Variants in MORC2 observed in about 807,000 individuals in gnomAD.
MORC2 encodes the protein ATPase MORC2.
Under a neutral mutation model 136.0 loss-of-function variants are expected in MORC2, and 30 were observed. That is an observed-to-expected ratio of 0.22 (90% CI 0.17 to 0.30). The LOEUF (loss-of-function observed/expected upper bound fraction) is 0.30. Ranked by LOEUF, MORC2 falls within the 10% of genes least tolerant of loss-of-function variation. The probability of loss-of-function intolerance (pLI) is 1.00; values close to 1 mark genes in which losing one functional copy is unlikely to be tolerated. For missense variants in MORC2, 922 were observed against 1,333.1 expected, an observed-to-expected ratio of 0.69 and a Z score of 4.80; for synonymous variants, 439 against 487.0, an observed-to-expected ratio of 0.90 and a Z score of 1.30.
At chr22:30,959,549 G>A (rs751106683) in intron 1 of MORC2, among the ~76,000 whole-genome samples, 3 of 152,152 alleles carry the variant, frequency 2.0e-5, no homozygotes, top group African/African-American at 2.4e-5. Flanking sequence ...TATACATTGA[G>A]CATGTGCAAT....
rs748062673 is a variant in MORC2 at position 30,932,891 on chromosome 22, G to A, written c.2520C>T (p.Arg840=). The change falls in exon 22 of 26, where the codon CGC becomes CGT. Residue 840 remains arginine, a splice_region_variant and synonymous_variant. Transcript: ENST00000397641. The surrounding 1 kb of genome is among the most constrained non-coding windows in gnomAD (Gnocchi z 4.4). ...CTCCTCCCTGATTGGGGCATTACCAGCGGTCTCTTGGTGTCGTGTCTGTGG... is the reference window on the plus strand; with the variant it reads ...CTCCTCCCTGATTGGGGCATTACCAACGGTCTCTTGGTGTCGTGTCTGTGG... ...YVPTDTTPRD[R]WVEKGSEDVR... 6.2e-7 allele frequency: 1 copy of A among 1,614,174 alleles called. No individual in the cohort carries two copies. Among genetic ancestry groups the A allele is most frequent in the East Asian group, 2.2e-5 (1 of 44,882 alleles).
chr22:30,960,808 C>T (rs901788587), intron 1 of MORC2, among the ~76,000 whole-genome samples: 4 of 97,794 alleles, frequency 4.1e-5, no homozygotes, highest in Non-Finnish European at 8.9e-5. Context: ...ACAGATTTCT[C>T]AAAAAAAAAA....
At chr22:30,943,036 A>G (rs1229977950) in intron 6 of MORC2, among the ~76,000 whole-genome samples, 5 of 152,050 alleles carry the variant, frequency 3.3e-5, no homozygotes, top group Admixed American at 1.3e-4. Flanking sequence ...AATAACCCAA[A>G]TATCCATTCT....
intron 1 of MORC2, among the ~76,000 whole-genome samples, chr22:30,961,149 C>T (rs1307491858): frequency 3.3e-5 from 5 of 152,082 alleles, no homozygotes; most frequent in South Asian, 2.1e-4. Flanking sequence ...GAATTACAGG[C>T]GTGAGCCACC....
chr22:30,943,211 G>A (rs2147269059), intron 6 of MORC2, among the ~76,000 whole-genome samples: 2 of 152,070 alleles, frequency 1.3e-5, no homozygotes, highest in East Asian at 3.9e-4. Context: ...TCACAAATAG[G>A]CAAAACTAAA....
In MORC2 at chr22:30,934,882, A is replaced by C; in HGVS notation, c.2092T>G (p.Ser698Ala). 1 of 1,614,126 alleles carries C rather than the reference A, an allele frequency of 6.2e-7. No individual in the cohort carries two copies. The highest frequency in any genetic ancestry group is 8.5e-7 in the Non-Finnish European group (1 of 1,180,020). The stretch of plus-strand genomic sequence containing the variant: ...GGGCTCTTGGAGTTGGGCAGTAAAG[A>C]TGGTGACAGTTGCTGCACCAGAGGG... ...PAPLVQQLSP[S>A]LLPNSKSPRE... The change falls in exon 19 of 26, where the codon TCT becomes GCT. Residue 698 changes from serine to alanine, a missense_variant. Ser to Ala is a moderately conservative substitution (Grantham distance 99). This residue lies in a region of MORC2 where 184 missense variants were observed against 180.3 expected (regional missense o/e 1.02). Transcript: ENST00000397641. The surrounding 1 kb of genome is among the most constrained non-coding windows in gnomAD (Gnocchi z 4.4).
chr22:30,927,102 C>T (rs1031217391), intron 25 of MORC2, among the ~76,000 whole-genome samples: 1 of 152,062 alleles, frequency 6.6e-6, no homozygotes, highest in Non-Finnish European at 1.5e-5. Flanking sequence ...CCCCATGTTC[C>T]CAATTGTCTT....
In MORC2 at chr22:30,968,050, G is replaced by A; in HGVS notation, c.-161C>T. 2 of 560,558 alleles carry A rather than the reference G, an allele frequency of 3.6e-6. No homozygotes were observed. The highest frequency in any genetic ancestry group is 2.5e-5 in the South Asian group (1 of 40,312). 34.7% of individuals were successfully genotyped at this position (560,558 alleles called of 1,614,324 possible). A position where few individuals can be genotyped will look rare whatever the true frequency, so the allele number is the denominator to read the frequency against. On this transcript the variant is annotated 5_prime_UTR_variant, in exon 1 of 26. Transcript: ENST00000397641. ...AGCTATCCAAAATATATGCAGAGAT[G>A]TTTAAAACTACAATTTCTTCAAGTG...
rs1326347387 is a variant in MORC2 at position 30,958,772 on chromosome 22, T to TA, written c.69-79dup. On this transcript the variant is annotated intron_variant, in intron 1 of 25. Transcript: ENST00000397641. ...CTAATAAAAAGCCATGGTTATAAAA[T>TA]ATTTAAGTTTTTTGAAAAAAATCTT... 27 of 1,338,308 alleles carry TA rather than the reference T, an allele frequency of 2.0e-5. No individual in the cohort carries two copies. The Admixed American group carries it at 5.4e-4, about 27-fold the overall frequency. The allele number at this position is 1,338,308 out of a possible 1,614,324, so 82.9% of individuals were successfully genotyped here. A position where few individuals can be genotyped will look rare whatever the true frequency, so the allele number is the denominator to read the frequency against.
intron 13 of MORC2, 35 bp from the exon 14 acceptor site, chr22:30,938,004 A>C (rs751811493): frequency 6.8e-6 from 11 of 1,613,672 alleles, no homozygotes; most frequent in Non-Finnish European, 9.3e-6. Flanking sequence ...CTGTCACCCC[A>C]CTGGCAACGC....
intron 1 of MORC2, among the ~76,000 whole-genome samples, chr22:30,966,532 T>C (rs1053322315): frequency 6.6e-6 from 1 of 152,164 alleles, no homozygotes; most frequent in African/African-American, 2.4e-5. Context: ...CCCAGCACTT[T>C]GGGAGGCCAA....
Position 30,949,863 on chromosome 22 carries a change from G to T in MORC2, c.227-21C>A, listed in dbSNP as rs367672545. On this transcript the variant is annotated intron_variant, in intron 4 of 25. Coordinates refer to ENST00000397641, the MANE Select transcript of MORC2 (RefSeq NM_001303256.3). ...ATCACCTGAAAGGGCAGACACAAGA[G>T]AAAGTGAAAAGTTTGCATTTCTTTC... The T allele has an allele frequency of 4.1e-5, 66 of 1,611,794 alleles. 1 individual carries two copies. In the East Asian group the frequency reaches 1.4e-3, roughly 34 times the overall value.
In MORC2 at chr22:30,964,433, C is replaced by T. The variant is rs563590682; in HGVS notation, c.68+3389G>A. On this transcript the variant is annotated intron_variant, in intron 1 of 25. Coordinates refer to ENST00000397641, the MANE Select transcript of MORC2 (RefSeq NM_001303256.3). ...GATGTTAAGTGACTAAATGTGCCAA[C>T]AAAAATAAATAGCAGACATCTTATA... Among the ~76,000 whole-genome samples the T allele has an allele frequency of 1.4e-3, 211 of 152,204 alleles. 1 individual carries two copies. The highest frequency in any genetic ancestry group is 4.8e-3 in the African/African-American group (199 of 41,524).
rs929011229 is a variant in MORC2, at chr22:30,968,770, C to T, written c.-881G>A. Among the ~76,000 whole-genome samples the T allele has an allele frequency of 6.6e-6, 1 of 152,094 alleles. No individual in the cohort carries two copies. The highest frequency in any genetic ancestry group is 2.4e-5 in the African/African-American group (1 of 41,444). On this transcript the variant is annotated 5_prime_UTR_variant, in exon 1 of 26. It adds an upstream start codon to the 5' untranslated region. Transcript: ENST00000397641. Reference sequence around the variant, plus strand: ...CTGACCGGGCACTACCCGGATCTCACAACTGCCTTTGTCCCTCCCCGCGGA... The same window carrying T: ...CTGACCGGGCACTACCCGGATCTCATAACTGCCTTTGTCCCTCCCCGCGGA...
chr22:30,926,963 C>T, intron 25 of MORC2, 92 bp from the exon 26 acceptor site: 2 of 1,072,238 alleles, frequency 1.9e-6, no homozygotes, highest in East Asian at 2.4e-5. Context: ...GGGATGGAGC[C>T]CAGAGTCCTC....
intron 24 of MORC2, among the ~76,000 whole-genome samples, chr22:30,931,575 A>G (rs2040576483): frequency 6.6e-6 from 1 of 152,224 alleles, no homozygotes; most frequent in Non-Finnish European, 1.5e-5. Context: ...CTCACCACAC[A>G]GCCTGTTGCC....
In MORC2 at chr22:30,932,282, TCA is replaced by T; in HGVS notation, c.2841+75_2841+76del. ...ACTGCAACAAGCGTAACAATCATAA[TCA>T]CAACAGTTACAACAAATGCAGGGGC... On this transcript the variant is annotated intron_variant, in intron 24 of 25. Coordinates refer to ENST00000397641, the MANE Select transcript of MORC2 (RefSeq NM_001303256.3). The surrounding 1 kb of genome is among the most constrained non-coding windows in gnomAD (Gnocchi z 4.4). 8.0e-7 allele frequency: 1 copy of T among 1,250,290 alleles called. No individual in the cohort carries two copies. Among genetic ancestry groups the T allele is most frequent in the Non-Finnish European group, 1.1e-6 (1 of 876,594 alleles). 77.4% of individuals were successfully genotyped at this position (1,250,290 alleles called of 1,614,324 possible).
In MORC2 at chr22:30,928,358, C is replaced by T. The variant is rs2040522125; in HGVS notation, c.2842-151G>A. On this transcript the variant is annotated intron_variant, in intron 24 of 25. Transcript: ENST00000397641. Reference sequence around the variant, plus strand: ...ATACAAAGGGCAAACAGCCTCTTTACGTCCAGAGTAGAGAGACATCAATGC... The same window carrying T: ...ATACAAAGGGCAAACAGCCTCTTTATGTCCAGAGTAGAGAGACATCAATGC... 4 of 699,010 alleles carry T rather than the reference C, an allele frequency of 5.7e-6. No individual in the cohort carries two copies. In the South Asian group the frequency reaches 7.2e-5, roughly 13 times the overall value. 43.3% of individuals were successfully genotyped at this position (699,010 alleles called of 1,614,324 possible).
chr22:30,935,435 T>A lies in MORC2; in HGVS notation c.1738-113A>T. 1.3e-5 allele frequency: 13 copies of A among 1,033,940 alleles called. No homozygotes were observed. The South Asian group carries it at 1.9e-4, about 15-fold the overall frequency. 64.0% of individuals were successfully genotyped at this position (1,033,940 alleles called of 1,614,324 possible). A position where few individuals can be genotyped will look rare whatever the true frequency, so the allele number is the denominator to read the frequency against. Reference sequence around the variant, plus strand: ...AAAAAATAGAAAACCTGAGCCATAGTCCTACTCTTACAAACCTCCTGTTCT... The same window carrying A: ...AAAAAATAGAAAACCTGAGCCATAGACCTACTCTTACAAACCTCCTGTTCT... On this transcript the variant is annotated intron_variant, in intron 17 of 25. Transcript: ENST00000397641.
Sources: allele counts gnomAD v4.1 joint callset (sites outside exome capture counted in the v4.1 genomes callset), GRCh38; gene constraint gnomAD v4.1.1; regional missense constraint gnomAD v4.1.1; non-coding constraint Gnocchi (gnomAD v3.1); transcripts MANE v1.5; gene names NCBI Gene and HGNC (gene_info 2026-07-23, HGNC 2026-07-21).